Variants in TRAPPC10 observed in about 807,000 individuals in gnomAD.
The protein encoded by TRAPPC10 is TRAPP 130 kDa subunit.
In TRAPPC10, 23 loss-of-function variants were observed where a neutral mutation model predicts 125.5. The ratio of observed to expected loss-of-function variants is 0.18; its 90% CI spans 0.13 to 0.26. The LOEUF (loss-of-function observed/expected upper bound fraction) is 0.26. Ranked by LOEUF, TRAPPC10 falls within the 10% of genes least tolerant of loss-of-function variation. The probability of loss-of-function intolerance (pLI) is 1.00; values close to 1 mark genes in which losing one functional copy is unlikely to be tolerated. For synonymous variants in TRAPPC10, 509 were observed against 518.0 expected, an observed-to-expected ratio of 0.98 and a Z score of 0.24; for missense variants, 1,123 against 1,308.4, an observed-to-expected ratio of 0.86 and a Z score of 2.19.
At chr21:44,064,300 AAT>A (rs1491223895) in intron 7 of TRAPPC10, among the ~76,000 whole-genome samples, 19 of 145,418 alleles carry the variant, frequency 1.3e-4, no homozygotes, top group East Asian at 4.0e-4. Flanking sequence ...ATATGTCATA[AAT>A]ATGTGTGTGT....
Position 44,055,699 on chromosome 21 carries a change from T to A in TRAPPC10, c.484T>A (p.Cys162Ser), listed in dbSNP as rs1601683589. ...GATAGTCTGTTCATGTCTTTGCAGG[T>A]GTGTTGTGCTCTCCGACCCCTTGAA... ...NDFCNKQSDR[C>S]VVLSDPLKDS... The change falls in exon 5 of 23, where the codon TGT becomes AGT. Residue 162 changes from cysteine to serine, a missense_variant and splice_region_variant. Cys to Ser is a moderately radical substitution (Grantham distance 112). Around this residue, in one of 4 missense-constraint regions of TRAPPC10, gnomAD observed 177 missense variants for 228.9 expected, o/e 0.77. Transcript: ENST00000291574. 2 of 1,596,382 alleles carry A rather than the reference T, an allele frequency of 1.3e-6. No homozygotes were observed. Among genetic ancestry groups the A allele is most frequent in the East Asian group, 4.5e-5 (2 of 44,458 alleles).
At chr21:44,077,936 C>T in intron 11 of TRAPPC10, 152 bp downstream of exon 11, 1 of 464,670 alleles carries the variant, frequency 2.2e-6, no homozygotes, top group Non-Finnish European at 3.7e-6. Flanking sequence ...TTTTCAGTTT[C>T]TTCTGAAAAC....
intron 1 of TRAPPC10, among the ~76,000 whole-genome samples, chr21:44,015,607 C>A (rs1238141701): frequency 6.8e-6 from 1 of 147,696 alleles, no homozygotes; most frequent in Non-Finnish European, 1.5e-5. Context: ...TGAAGCTCTC[C>A]AAATTTTTTT....
At chr21:44,043,464 G>A (rs1167168330) in intron 3 of TRAPPC10, among the ~76,000 whole-genome samples, 2 of 151,904 alleles carry the variant, frequency 1.3e-5, no homozygotes, top group Non-Finnish European at 2.9e-5. Context: ...CACCCGCCTC[G>A]GCATCCCAAA....
chr21:44,038,005 G>T (rs546597313), intron 3 of TRAPPC10, 78 bp downstream of exon 3: 18 of 1,529,688 alleles, frequency 1.2e-5, no homozygotes, highest in Non-Finnish European at 1.6e-5. Context: ...GAGTACCAGT[G>T]GGGGAAGAGG....
intron 15 of TRAPPC10, among the ~76,000 whole-genome samples, chr21:44,084,866 TTGAC>T (rs1370698668): frequency 1.3e-5 from 2 of 152,132 alleles, no homozygotes; most frequent in Non-Finnish European, 2.9e-5. Context: ...GGGAAACAGG[TTGAC>T]TGGATTATTA....
rs2038765145 is a variant in TRAPPC10 at position 44,094,077 on chromosome 21, G to A, written c.3012G>A (p.Lys1004=). Residue 1004 remains lysine (K), a synonymous_variant, in exon 20 of 23, where the codon AAG becomes AAA. Coordinates refer to ENST00000291574, the MANE Select transcript of TRAPPC10 (RefSeq NM_003274.5). ...NTQSQQPIYS[K]QSVFFVWELK... is the part of the protein sequence containing the mutation. ...TCTCTTTCCAGCCCATCTACAGCAA[G>A]CAGTCGGTGTTCTTCGTCTGGGAAC... 6.2e-7 allele frequency: 1 copy of A among 1,613,668 alleles called. No homozygotes were observed. The highest frequency in any genetic ancestry group is 8.5e-7 in the Non-Finnish European group (1 of 1,179,916).
chr21:44,094,219 G>A lies in TRAPPC10; in HGVS notation c.3154G>A (p.Val1052Met). Residue 1052 changes from valine (V) to methionine (M), a missense_variant, in exon 20 of 23, where the codon GTG becomes ATG. By Grantham distance (21) the Val-to-Met change is conservative. This residue lies in a region of TRAPPC10 where 840 missense variants were observed against 902.0 expected (regional missense o/e 0.93). Coordinates refer to ENST00000291574, the MANE Select transcript of TRAPPC10 (RefSeq NM_003274.5). ...AAAGCCGTATACTTATGAATTTAAA[G>A]TGGAAAATTTTTTTGTAAGTGATGT... ...SLKPYTYEFK[V>M]ENFFTLYNVK... is the part of the protein sequence containing the mutation. 2 of 1,609,124 alleles carry A rather than the reference G, an allele frequency of 1.2e-6. No individual in the cohort carries two copies. The highest frequency in any genetic ancestry group is 1.7e-6 in the Non-Finnish European group (2 of 1,178,760).
At chr21:44,027,544 A>G (rs962792385) in intron 1 of TRAPPC10, among the ~76,000 whole-genome samples, 9 of 152,226 alleles carry the variant, frequency 5.9e-5, no homozygotes, top group Non-Finnish European at 1.3e-4. Flanking sequence ...TCCTAAGCCA[A>G]GCTACCTGGG....
rs577745426 is a variant in TRAPPC10 at position 44,080,824 on chromosome 21, C to T, written c.1723+697C>T. ...AAAGGGCTGGGATTACAGATGTGAG[C>T]CACCGCACCCAGTCTTTTTCTTCAT... is the stretch of plus-strand genomic sequence containing the variant. On this transcript the variant is annotated intron_variant, in intron 13 of 22. Coordinates refer to ENST00000291574, the MANE Select transcript of TRAPPC10 (RefSeq NM_003274.5). Among the ~76,000 whole-genome samples the T allele has an allele frequency of 2.6e-5, 4 of 151,644 alleles. No individual in the cohort carries two copies. In the South Asian group the frequency reaches 8.3e-4, roughly 32 times the overall value.
chr21:44,092,962 A>G (rs2038689362), intron 19 of TRAPPC10, among the ~76,000 whole-genome samples: 1 of 152,020 alleles, frequency 6.6e-6, no homozygotes, highest in South Asian at 2.1e-4. Context: ...ACGCCCAGCT[A>G]ATTTTTGTAT....
At position 44,063,225 on chromosome 21, in the gene TRAPPC10, C is replaced by G. The variant is rs1305533604; in HGVS notation, c.791-313C>G. Reference sequence around the variant, plus strand: ...CCTAAGACTAGAGCCCTCCCTCGGCCTGAGACAGAGCCTGAGCTCCCCTAA... The same window carrying G: ...CCTAAGACTAGAGCCCTCCCTCGGCGTGAGACAGAGCCTGAGCTCCCCTAA... On this transcript the variant is annotated intron_variant, in intron 6 of 22. Transcript: ENST00000291574. This position sits in a 1 kb window ranked among gnomAD's most constrained non-coding sequence, Gnocchi z 4.4. 1 of 1,264,974 alleles carries G rather than the reference C, an allele frequency of 7.9e-7. No homozygotes were observed. Among genetic ancestry groups the G allele is most frequent in the African/African-American group, 1.5e-5 (1 of 64,946 alleles). 78.4% of individuals were successfully genotyped at this position (1,264,974 alleles called of 1,614,324 possible). A position where few individuals can be genotyped will look rare whatever the true frequency, so the allele number is the denominator to read the frequency against.
chr21:44,071,292 T>C (rs921972631), intron 7 of TRAPPC10, among the ~76,000 whole-genome samples: 2 of 152,230 alleles, frequency 1.3e-5, no homozygotes, highest in African/African-American at 2.4e-5. Context: ...GATTAGGTGG[T>C]GGTTACATTT....
At chr21:44,024,082 G>A (rs2032831333) in intron 1 of TRAPPC10, among the ~76,000 whole-genome samples, 1 of 152,222 alleles carries the variant, frequency 6.6e-6, no homozygotes, top group South Asian at 2.1e-4. Context: ...CACCGCACCA[G>A]CCTAGGAATT....
chr21:44,051,532 A>G (rs1011589327), intron 3 of TRAPPC10, among the ~76,000 whole-genome samples: 1 of 152,172 alleles, frequency 6.6e-6, no homozygotes, highest in African/African-American at 2.4e-5. Context: ...TATGGAAGAG[A>G]ACCAAGCTGA....
At chr21:44,048,797 G>GTTTTT (rs34892092) in intron 3 of TRAPPC10, among the ~76,000 whole-genome samples, 11 of 105,592 alleles carry the variant, frequency 1.0e-4, no homozygotes, top group Admixed American at 1.9e-4. Context: ...CCCACCCTGT[G>GTTTTT]TTTTTTTTTT....
chr21:44,094,311 T>A, intron 20 of TRAPPC10, 78 bp downstream of exon 20: 1 of 1,320,714 alleles, frequency 7.6e-7, no homozygotes, highest in Non-Finnish European at 1.1e-6. Context: ...TCTGAAGAAC[T>A]GAATAGACAG....
Position 44,063,804 on chromosome 21 carries a change from C to T in TRAPPC10, c.1038+19C>T, listed in dbSNP as rs547550837. On this transcript the variant is annotated intron_variant, in intron 7 of 22. Transcript: ENST00000291574. This position sits in a 1 kb window ranked among gnomAD's most constrained non-coding sequence, Gnocchi z 4.4. The stretch of plus-strand genomic sequence containing the variant: ...CTTAGAAGTGAGTCGGCTGTTTTCC[C>T]AATTTACCCGTTTCTTGATTGTTCC... The T allele has an allele frequency of 1.2e-6, 2 of 1,604,640 alleles. No individual in the cohort carries two copies. The highest frequency in any genetic ancestry group is 1.3e-5 in the African/African-American group (1 of 74,718).
In TRAPPC10 at chr21:44,080,125, C is replaced by A. The variant is rs550389127; in HGVS notation, c.1721C>A (p.Pro574Gln). The A allele has an allele frequency of 6.2e-7, 1 of 1,612,312 alleles. No homozygotes were observed. Among genetic ancestry groups the A allele is most frequent in the South Asian group, 1.1e-5 (1 of 91,042 alleles). The change falls in exon 13 of 23, where the codon CCA becomes CAA. Residue 574 changes from proline (P) to glutamine (Q), a missense_variant and splice_region_variant. By Grantham distance (76) the Pro-to-Gln change is moderately conservative. Coordinates refer to ENST00000291574, the MANE Select transcript of TRAPPC10 (RefSeq NM_003274.5). The part of the protein sequence containing the change: ...LDFASQPSDS[P>Q]GHKIVLPMHS... The stretch of plus-strand genomic sequence containing the variant: ...TTTGCCAGCCAGCCGTCAGACAGCC[C>A]AGGTAAGACCAGTTCTTACAACTTG...
Sources: allele counts gnomAD v4.1 joint callset (sites outside exome capture counted in the v4.1 genomes callset), GRCh38; gene constraint gnomAD v4.1.1; regional missense constraint gnomAD v4.1.1; non-coding constraint Gnocchi (gnomAD v3.1); transcripts MANE v1.5; gene names NCBI Gene and HGNC (gene_info 2026-07-23, HGNC 2026-07-21).